NFIB: variants seen among roughly 807,000 people sequenced by gnomAD.
The protein encoded by NFIB is nuclear factor I B.
In NFIB, 11 loss-of-function variants were observed where a neutral mutation model predicts 61.5. The ratio of observed to expected loss-of-function variants is 0.18; its 90% CI spans 0.11 to 0.30. The LOEUF (loss-of-function observed/expected upper bound fraction) is 0.30. NFIB is among the 10% of genes least tolerant of loss of function. The probability of loss-of-function intolerance (pLI) is 1.00; values close to 1 mark genes in which losing one functional copy is unlikely to be tolerated. For synonymous variants in NFIB, 260 were observed against 216.5 expected (o/e 1.20, Z -1.76); for missense variants, 471 against 608.9 (o/e 0.77, Z 2.38).
chr9:14,516,130 C>T, the NFIB span, among the ~76,000 whole-genome samples: 1 of 152,196 alleles, frequency 6.6e-6, no homozygotes, highest in Non-Finnish European at 1.5e-5. Flanking sequence ...ACAATTGCCT[C>T]GAACCACAGT....
At chr9:14,340,429 G>C (rs1376036365) in intron 1 of NFIB, among the ~76,000 whole-genome samples, 2 of 152,176 alleles carry the variant, frequency 1.3e-5, no homozygotes, top group Non-Finnish European at 2.9e-5. Flanking sequence ...CACCACACTC[G>C]TAGCAATTCT....
intron 2 of NFIB, among the ~76,000 whole-genome samples, chr9:14,219,682 A>C (rs2051403806): frequency 6.6e-6 from 1 of 152,158 alleles, no homozygotes; most frequent in Admixed American, 6.5e-5. Flanking sequence ...GTTAGAGATA[A>C]ATGTAACTGT....
the NFIB span, among the ~76,000 whole-genome samples, chr9:14,479,317 C>T: frequency 6.6e-6 from 1 of 152,188 alleles, no homozygotes; most frequent in Non-Finnish European, 1.5e-5. Context: ...ATATGGGAAA[C>T]ACCCTCATGG....
chr9:14,187,011 GTGTGTGTGTGTGTGTA>G (rs774517536), intron 2 of NFIB, among the ~76,000 whole-genome samples: 8,747 of 31,718 alleles, frequency 0.28, 546 homozygotes, highest in South Asian at 0.45. Flanking sequence ...GCTCCTGTGT[GTGTGTGTGTGTGTGTA>G]TGTGTGTGTG....
intron 2 of NFIB, among the ~76,000 whole-genome samples, chr9:14,288,778 T>C (rs896054167): frequency 1.3e-5 from 2 of 152,100 alleles, no homozygotes; most frequent in Non-Finnish European, 2.9e-5. Flanking sequence ...TTTCTACTTG[T>C]AAATTACTCG....
chr9:14,508,198 T>C, the NFIB span, among the ~76,000 whole-genome samples: 288 of 152,108 alleles, frequency 1.9e-3, 3 homozygotes, highest in African/African-American at 6.6e-3. Flanking sequence ...ACATTATATA[T>C]ACATATATGT....
the NFIB span, among the ~76,000 whole-genome samples, chr9:14,435,832 G>A: frequency 6.6e-6 from 1 of 152,148 alleles, no homozygotes; most frequent in Non-Finnish European, 1.5e-5. Flanking sequence ...CTCAGAACCA[G>A]GCTTCTTCTG....
At chr9:14,354,487 A>G (rs1054529513) in intron 1 of NFIB, among the ~76,000 whole-genome samples, 31 of 152,360 alleles carry the variant, frequency 2.0e-4, no homozygotes, top group African/African-American at 7.5e-4. Flanking sequence ...CAGAGTTTTC[A>G]GCTATAATCT....
chr9:14,507,873 TAGAC>T, the NFIB span, among the ~76,000 whole-genome samples: 4 of 151,770 alleles, frequency 2.6e-5, no homozygotes, highest in Non-Finnish European at 4.4e-5. Flanking sequence ...GCATCAGAAA[TAGAC>T]AGGTGACAAA....
intron 10 of NFIB, among the ~76,000 whole-genome samples, chr9:14,105,224 C>A (rs1396486078): frequency 6.6e-6 from 1 of 152,076 alleles, no homozygotes; most frequent in African/African-American, 2.4e-5. Context: ...CTGACTACAG[C>A]TATTCATTAT....
chr9:14,499,720 G>C, the NFIB span, among the ~76,000 whole-genome samples: 1 of 152,118 alleles, frequency 6.6e-6, no homozygotes, highest in African/African-American at 2.4e-5. Flanking sequence ...TCAATCTTTT[G>C]AGTGCAAATC....
At chr9:14,208,854 C>T (rs965126620) in intron 2 of NFIB, among the ~76,000 whole-genome samples, 1 of 152,136 alleles carries the variant, frequency 6.6e-6, no homozygotes, top group African/African-American at 2.4e-5. Flanking sequence ...CACTGATTCA[C>T]TCAGTCTTTT....
At chr9:14,434,507 C>T in the NFIB span, among the ~76,000 whole-genome samples, 1 of 152,174 alleles carries the variant, frequency 6.6e-6, no homozygotes, top group African/African-American at 2.4e-5. Flanking sequence ...CTCAAAAAGA[C>T]TTGCTTTTCC....
chr9:14,096,692 C>G (rs986858504), intron 10 of NFIB: 3 of 152,164 alleles, frequency 2.0e-5, no homozygotes, highest in African/African-American at 7.2e-5. Flanking sequence ...CGGCTTGAGA[C>G]GTGACCACAG....
intron 1 of NFIB, among the ~76,000 whole-genome samples, chr9:14,326,730 A>C (rs950438248): frequency 6.7e-6 from 1 of 148,956 alleles, no homozygotes; most frequent in Non-Finnish European, 1.5e-5. Flanking sequence ...TGCAGTTATG[A>C]CTCAATGTGT....
chr9:14,240,214 T>A (rs2054208679), intron 2 of NFIB, among the ~76,000 whole-genome samples: 1 of 152,150 alleles, frequency 6.6e-6, no homozygotes, highest in African/African-American at 2.4e-5. Flanking sequence ...GAAAAATTCC[T>A]AGAGAGTGAA....
At chr9:14,116,079 A>C in intron 9 of NFIB, 129 bp downstream of exon 9, 1 of 1,139,748 alleles carries the variant, frequency 8.8e-7, no homozygotes, top group Non-Finnish European at 1.1e-6. Flanking sequence ...AGAAATCTCC[A>C]TCTGGTCAGG....
At chr9:14,403,353 T>C (rs1183453910), upstream of NFIB, among the ~76,000 whole-genome samples, 1 of 152,198 alleles carries the variant, frequency 6.6e-6, no homozygotes, top group African/African-American at 2.4e-5. Flanking sequence ...GTGGCCATGC[T>C]CCCGGATCCC....
the NFIB span, among the ~76,000 whole-genome samples, chr9:14,518,117 G>A: frequency 0.73 from 110,389 of 151,708 alleles, 40,307 homozygotes; most frequent in Admixed American, 0.77. Flanking sequence ...CAAATGCAGT[G>A]TTGATAAGAA....
Sources: gnomAD v4.1 joint callset for allele counts (sites outside exome capture counted in the v4.1 genomes callset) on GRCh38, gnomAD v4.1.1 for gene constraint, MANE v1.5 for transcripts, NCBI Gene and HGNC (gene_info 2026-07-23, HGNC 2026-07-21) for gene names.